The following AGO2 variants were observed in gnomAD, a reference collection of about 807,000 sequenced individuals.
The protein encoded by AGO2 is protein argonaute-2.
In AGO2, 5 loss-of-function variants were observed where a neutral mutation model predicts 102.3. That is an observed-to-expected ratio of 0.05 (90% CI 0.03 to 0.10). The LOEUF (loss-of-function observed/expected upper bound fraction) is 0.10. Ranked by LOEUF, AGO2 falls within the 10% of genes least tolerant of loss-of-function variation. The pLI, the probability that AGO2 is intolerant of heterozygous loss-of-function variation, is 1.00. For missense variants in AGO2, 541 were observed against 1,183.7 expected (o/e 0.46, Z 7.97); for synonymous variants, 449 against 473.1 (o/e 0.95, Z 0.66).
rs531261052 is a variant in AGO2, at chr8:140,551,181, C to T, written c.1403+122G>A. On this transcript the variant is annotated intron_variant, in intron 11 of 18. Transcript: ENST00000220592. ...ACAGGGAAAGGCTGATGAACCCTGA[C>T]ATCAAAACCCATACCAGCACCCTCA... The T allele has an allele frequency of 4.9e-5, 59 of 1,193,346 alleles. No individual in the cohort carries two copies. The East Asian group carries it at 1.5e-3, about 30-fold the overall frequency. 73.9% of individuals were successfully genotyped at this position (1,193,346 alleles called of 1,614,324 possible).
chr8:140,612,201 C>T (rs2074087652), intron 1 of AGO2, among the ~76,000 whole-genome samples: 1 of 132,606 alleles, frequency 7.5e-6, no homozygotes, highest in African/African-American at 2.9e-5. Context: ...CCGGCCTGGC[C>T]AAGAGCGAGA....
chr8:140,640,451 A>C (rs752730015), upstream of AGO2, among the ~76,000 whole-genome samples: 7 of 152,112 alleles, frequency 4.6e-5, no homozygotes, highest in East Asian at 1.4e-3. Context: ...GTTCCTCTTC[A>C]AAGGATGGTG....
At chr8:140,641,295 AACACACACACAC>A in the AGO2 span, among the ~76,000 whole-genome samples, 2,686 of 146,970 alleles carry the variant, frequency 0.018, 84 homozygotes, top group African/African-American at 0.06. Context: ...GCTGTCTCAA[AACACACACACAC>A]ACACACACAC....
intron 1 of AGO2, among the ~76,000 whole-genome samples, chr8:140,632,871 T>C (rs527965298): frequency 6.6e-6 from 1 of 152,240 alleles, no homozygotes; most frequent in Non-Finnish European, 1.5e-5. Flanking sequence ...GGTGTTACAA[T>C]TGGAAGTAGC....
At chr8:140,558,922 G>A (rs567190444) in intron 6 of AGO2, among the ~76,000 whole-genome samples, 1 of 152,312 alleles carries the variant, frequency 6.6e-6, no homozygotes, top group South Asian at 2.1e-4. Flanking sequence ...GGCTTGTGGA[G>A]CCAGGGGTGG....
chr8:140,603,103 C>G (rs1328840730), intron 1 of AGO2, among the ~76,000 whole-genome samples: 1 of 152,328 alleles, frequency 6.6e-6, no homozygotes, highest in Non-Finnish European at 1.5e-5. Context: ...CTTCAGAGAC[C>G]AGCCCAGAAT....
intron 1 of AGO2, among the ~76,000 whole-genome samples, chr8:140,611,473 G>A (rs1426624506): frequency 1.3e-5 from 2 of 151,892 alleles, no homozygotes; most frequent in East Asian, 1.9e-4. Flanking sequence ...GATTACAGGC[G>A]CCCACCACCA....
intron 8 of AGO2, 108 bp from the exon 9 acceptor site, chr8:140,556,394 G>C: frequency 1.4e-6 from 2 of 1,410,324 alleles, no homozygotes; most frequent in East Asian, 4.6e-5. Flanking sequence ...GACCGTCTCT[G>C]CCTCATCCCT....
intron 12 of AGO2, among the ~76,000 whole-genome samples, chr8:140,548,083 T>C (rs78199816): frequency 0.011 from 1,704 of 152,132 alleles, 30 homozygotes; most frequent in African/African-American, 0.039. Flanking sequence ...TGGGAGGCCA[T>C]GGCGGGCGGA....
At position 140,555,998 on chromosome 8, in the gene AGO2, G is replaced by A; in HGVS notation, c.1167C>T (p.Asn389=). 2 of 1,614,214 alleles carry A rather than the reference G, an allele frequency of 1.2e-6. No individual in the cohort carries two copies. Among genetic ancestry groups the A allele is most frequent in the Non-Finnish European group, 1.7e-6 (2 of 1,180,020 alleles). Reference sequence around the variant, plus strand: ...CAAATTCACGGACGTATGGATCTGTGTTGAAACTTGCACTTCGCATCTGGC... The same window carrying A: ...CAAATTCACGGACGTATGGATCTGTATTGAAACTTGCACTTCGCATCTGGC... ...ISKLMRSASF[N]TDPYVREFGI... Residue 389 remains asparagine, a synonymous_variant, in exon 10 of 19, where the codon AAC becomes AAT. Coordinates refer to ENST00000220592, the MANE Select transcript of AGO2 (RefSeq NM_012154.5).
At position 140,532,620 on chromosome 8, in the gene AGO2, A is replaced by G. The variant is rs1297036578; in HGVS notation, c.2272-5T>C. 3 of 1,613,946 alleles carry G rather than the reference A, an allele frequency of 1.9e-6. No homozygotes were observed. The African/African-American group carries it at 4.0e-5, about 22-fold the overall frequency. On this transcript the variant is annotated splice_region_variant and splice_polypyrimidine_tract_variant and intron_variant, in intron 17 of 18. Coordinates refer to ENST00000220592, the MANE Select transcript of AGO2 (RefSeq NM_012154.5). ...GTGCGAAGGCCTGCTTGTCCCCTAA[A>G]GCAGATCAGAAGATTAGACAGTTGG... is the stretch of plus-strand genomic sequence containing the variant.
intron 3 of AGO2, among the ~76,000 whole-genome samples, chr8:140,566,624 G>GT (rs1371099031): frequency 2.0e-5 from 3 of 150,916 alleles, no homozygotes; most frequent in Admixed American, 6.6e-5. Context: ...TTTTTGGGGG[G>GT]GGGGAAGGTG....
intron 2 of AGO2, among the ~76,000 whole-genome samples, chr8:140,576,311 A>G (rs2073462386): frequency 6.6e-6 from 1 of 152,216 alleles, no homozygotes; most frequent in South Asian, 2.1e-4. Context: ...GTGAGACTCT[A>G]TCTCAAAAAC....
intron 1 of AGO2, among the ~76,000 whole-genome samples, chr8:140,620,568 T>C (rs1463808470): frequency 1.3e-5 from 2 of 152,312 alleles, no homozygotes; most frequent in South Asian, 2.1e-4. Context: ...AAAAAGCCCT[T>C]TAAAACTTCT....
chr8:140,532,821 C>T, intron 17 of AGO2: 2 of 520,232 alleles, frequency 3.8e-6, no homozygotes, highest in East Asian at 3.4e-5. Context: ...ATAGTGAAAC[C>T]CCATCTCTAC....
At chr8:140,595,905 T>TATATTTTA (rs1564107034) in intron 1 of AGO2, among the ~76,000 whole-genome samples, 2 of 120,726 alleles carry the variant, frequency 1.7e-5, no homozygotes, top group African/African-American at 6.6e-5. Context: ...ATATTATGTA[T>TATATTTTA]TATATAATAT....
At chr8:140,640,384 T>C (rs188582568), upstream of AGO2, among the ~76,000 whole-genome samples, 1 of 152,318 alleles carries the variant, frequency 6.6e-6, no homozygotes, top group East Asian at 1.9e-4. Context: ...GGCATTGATC[T>C]CTGCTTTTTA....
intron 1 of AGO2, among the ~76,000 whole-genome samples, chr8:140,595,797 T>G (rs1207656801): frequency 6.2e-5 from 2 of 32,356 alleles, no homozygotes; most frequent in African/African-American, 1.3e-4. Context: ...TACAATTATA[T>G]TATATACAAT....
chr8:140,595,628 AT>A (rs1564106603), intron 1 of AGO2, among the ~76,000 whole-genome samples: 81 of 109,330 alleles, frequency 7.4e-4, no homozygotes, highest in East Asian at 5.7e-3. Context: ...ATATATATAT[AT>A]TATATATATA....
Sources: allele counts gnomAD v4.1 joint callset (sites outside exome capture counted in the v4.1 genomes callset), GRCh38; gene constraint gnomAD v4.1.1; transcripts MANE v1.5; gene names NCBI Gene and HGNC (gene_info 2026-07-23, HGNC 2026-07-21).